The following CCDC141 variants were observed in gnomAD, a reference collection of about 807,000 sequenced individuals.
CCDC141 encodes coiled-coil domain containing 141, also known as coiled-coil domain-containing protein 141.
A neutral mutation model predicts 181.0 loss-of-function variants in CCDC141; 168 were observed. That is an observed-to-expected ratio of 0.93 (90% CI 0.82 to 1.05). The LOEUF is 1.05. Ranked by LOEUF, CCDC141 falls within the 50% of genes least tolerant of loss-of-function variation. The pLI is 0.00. For missense variants in CCDC141, 1,902 were observed against 1,788.5 expected, an observed-to-expected ratio of 1.06 and a Z score of -1.14; for synonymous variants, 666 against 642.3, an observed-to-expected ratio of 1.04 and a Z score of -0.56.
chr2:178,914,906 G>A (rs975264937), intron 7 of CCDC141, among the ~76,000 whole-genome samples: 8 of 152,116 alleles, frequency 5.3e-5, no homozygotes, highest in African/African-American at 1.9e-4. Flanking sequence ...AAGGAGGTGG[G>A]GTGTGGTGGC....
At chr2:179,046,711 A>G (rs1355208077) in intron 2 of CCDC141, among the ~76,000 whole-genome samples, 1 of 152,232 alleles carries the variant, frequency 6.6e-6, no homozygotes, top group East Asian at 1.9e-4. Context: ...CAGATTATGT[A>G]GCTGGCTCTG....
At chr2:178,827,067 A>G (rs1247744471), downstream of CCDC141, among the ~76,000 whole-genome samples, 1 of 151,992 alleles carries the variant, frequency 6.6e-6, no homozygotes, top group Non-Finnish European at 1.5e-5. Flanking sequence ...GTAATTTCAT[A>G]TTTTTCAAAA....
Position 178,837,224 on chromosome 2 carries a change from A to G in CCDC141, c.3995T>C (p.Leu1332Ser), listed in dbSNP as rs778283465. ...SMMSEVHERA[L>S]QQHPQAQGGL... Reference sequence around the variant, plus strand: ...ACCCTGAGCCTGAGGGTGCTGCTGTAAAGCTCTCTCATGCACTTCACTCAT... The same window carrying G: ...ACCCTGAGCCTGAGGGTGCTGCTGTGAAGCTCTCTCATGCACTTCACTCAT... The change falls in exon 23 of 24, where the codon TTA (leucine) becomes TCA (serine). Residue 1332 changes from leucine (L) to serine (S), a missense_variant. Transcript: ENST00000443758. 2.5e-6 allele frequency: 4 copies of G among 1,614,010 alleles called. No homozygotes were observed. The Admixed American group carries it at 6.7e-5, about 27-fold the overall frequency.
chr2:178,961,784 A>G (rs1289672989), intron 4 of CCDC141, among the ~76,000 whole-genome samples: 1 of 152,200 alleles, frequency 6.6e-6, no homozygotes, highest in East Asian at 1.9e-4. Flanking sequence ...ACATTGCTGC[A>G]GTTTTCAGCG....
chr2:178,988,069 C>G (rs1367447491), intron 2 of CCDC141, among the ~76,000 whole-genome samples: 1 of 151,996 alleles, frequency 6.6e-6, no homozygotes, highest in Non-Finnish European at 1.5e-5. Context: ...GGAACCAACC[C>G]AGATGTCCAA....
intron 6 of CCDC141, among the ~76,000 whole-genome samples, chr2:178,920,685 C>T (rs1043681146): frequency 7.9e-5 from 11 of 139,106 alleles, no homozygotes; most frequent in African/African-American, 2.4e-4. Context: ...GATCATGTCA[C>T]TGAACTCCAT....
chr2:178,834,386 C>G lies in CCDC141; in HGVS notation c.4380G>C (p.Lys1460Asn). Residue 1460 changes from lysine to asparagine, a missense_variant, in exon 24 of 24, where the codon AAG becomes AAC. Physicochemically the swap from Lys to Asn is moderately conservative, Grantham distance 94 (BLOSUM62 0). Transcript: ENST00000443758. ...SADGHLQVLH[K>N]ETRHSVFIPK... The stretch of plus-strand genomic sequence containing the variant: ...GAATGAACACCGAATGCCTTGTCTC[C>G]TTGTGTAAAACCTGTAAGTGCCCAT... 6.5e-7 allele frequency: 1 copy of G among 1,536,418 alleles called. No homozygotes were observed. Among genetic ancestry groups the G allele is most frequent in the Non-Finnish European group, 8.7e-7 (1 of 1,146,906 alleles).
chr2:178,961,186 A>C (rs1474892070), intron 5 of CCDC141, 44 bp downstream of exon 5: 1 of 1,540,266 alleles, frequency 6.5e-7, no homozygotes, highest in African/African-American at 1.4e-5. Flanking sequence ...TATAACAACT[A>C]ATCAGCTGAG....
At chr2:178,942,091 A>G (rs1214069782) in intron 6 of CCDC141, among the ~76,000 whole-genome samples, 3 of 151,742 alleles carry the variant, frequency 2.0e-5, no homozygotes, top group South Asian at 4.2e-4. Context: ...CTTGAAAACT[A>G]CTTGAGTACA....
At chr2:179,031,566 G>A (rs112756961) in intron 2 of CCDC141, among the ~76,000 whole-genome samples, 523 of 151,874 alleles carry the variant, frequency 3.4e-3, no homozygotes, top group South Asian at 0.017. Context: ...TTCCTTAAGG[G>A]AAAAGCTTAG....
chr2:178,923,643 A>G (rs76592243), intron 6 of CCDC141, among the ~76,000 whole-genome samples: 4,637 of 152,152 alleles, frequency 0.03, 154 homozygotes, highest in East Asian at 0.13. Context: ...AAAGCCTTCC[A>G]TTTCCTTGGC....
At chr2:178,841,598 C>A (rs6717160) in intron 22 of CCDC141, among the ~76,000 whole-genome samples, 48,111 of 152,068 alleles carry the variant, frequency 0.32, 8,090 homozygotes, top group African/African-American at 0.42. Flanking sequence ...ATAAGATTTC[C>A]GTTTTTAAGT....
rs1575160733 is a variant in CCDC141 at position 178,878,282 on chromosome 2, T to TATTC, written c.1720-140_1720-139insGAAT. On this transcript the variant is annotated intron_variant, in intron 11 of 23. Transcript: ENST00000443758. ...TAATTTGTAAACATATTTATTTATT[T>TATTC]ATTTATTTATTTATTTATTTTATTT... is the stretch of plus-strand genomic sequence containing the variant. The TATTC allele has an allele frequency of 8.8e-4, 186 of 210,440 alleles. 2 individuals carry two copies. The East Asian group carries it at 0.017, about 20-fold the overall frequency. The allele number at this position is 210,440 out of a possible 1,614,324, so 13.0% of individuals were successfully genotyped here. A position where few individuals can be genotyped will look rare whatever the true frequency, so the allele number is the denominator to read the frequency against.
intron 7 of CCDC141, among the ~76,000 whole-genome samples, chr2:178,906,103 A>C (rs781254950): frequency 6.6e-6 from 1 of 152,240 alleles, no homozygotes; most frequent in Non-Finnish European, 1.5e-5. Context: ...AAAGAGTAAG[A>C]CCAAGGTAAT....
chr2:179,020,604 C>A (rs1179394573), intron 2 of CCDC141, among the ~76,000 whole-genome samples: 2 of 152,134 alleles, frequency 1.3e-5, no homozygotes, highest in Admixed American at 1.3e-4. Flanking sequence ...CCCAGCTCAG[C>A]CAGTTAATAA....
At chr2:178,854,773 T>C (rs543957331) in intron 19 of CCDC141, among the ~76,000 whole-genome samples, 3 of 152,312 alleles carry the variant, frequency 2.0e-5, no homozygotes, top group African/African-American at 7.2e-5. Flanking sequence ...CAAACAATAA[T>C]GGGCAACAAA....
rs545980616 is a variant in CCDC141, at chr2:178,980,999, G to A, written c.226-2324C>T. ...TTTTAGAGCCAGGAATATTATTTGA[G>A]ACTAAGATGGGTGTTACGTAATAAT... is the stretch of plus-strand genomic sequence containing the variant. On this transcript the variant is annotated intron_variant, in intron 2 of 23. Transcript: ENST00000443758. 3.9e-5 allele frequency among the ~76,000 whole-genome samples: 6 copies of A among 152,288 alleles called. No homozygotes were observed. In the South Asian group the frequency reaches 6.2e-4, roughly 16 times the overall value.
At chr2:179,045,337 T>C (rs1251426248) in intron 2 of CCDC141, among the ~76,000 whole-genome samples, 1 of 139,868 alleles carries the variant, frequency 7.1e-6, no homozygotes, top group Non-Finnish European at 1.6e-5. Flanking sequence ...ACAAAGGACA[T>C]GAACTCATCA....
chr2:179,035,896 A>G (rs1288306767), intron 2 of CCDC141, among the ~76,000 whole-genome samples: 1 of 152,240 alleles, frequency 6.6e-6, no homozygotes, highest in African/African-American at 2.4e-5. Context: ...TCAAAGAATT[A>G]GTAGCCATCT....
Sources: allele counts gnomAD v4.1 joint callset (sites outside exome capture counted in the v4.1 genomes callset), GRCh38; gene constraint gnomAD v4.1.1; transcripts MANE v1.5; gene names NCBI Gene and HGNC (gene_info 2026-07-23, HGNC 2026-07-21).